The following COL24A1 variants were observed in gnomAD, a reference collection of about 807,000 sequenced individuals.
The protein encoded by COL24A1 is collagen alpha-1(XXIV) chain.
COL24A1 carries 224 observed loss-of-function variants against 253.9 expected under a neutral mutation model. The ratio of observed to expected loss-of-function variants is 0.88; its 90% CI spans 0.79 to 0.99. The LOEUF (loss-of-function observed/expected upper bound fraction) is 0.99, where lower values mean the gene tolerates loss of function less well. Among genes scored for constraint, COL24A1 ranks in the 50% least tolerant of loss-of-function variants. The pLI is 0.00. For missense variants in COL24A1, 2,131 were observed against 2,068.5 expected (o/e 1.03, Z -0.59); for synonymous variants, 685 against 673.7 (o/e 1.02, Z -0.26).
intron 24 of COL24A1, among the ~76,000 whole-genome samples, chr1:85,921,352 C>T (rs946567259): frequency 2.6e-5 from 4 of 152,312 alleles, no homozygotes; most frequent in Non-Finnish European, 4.4e-5. Context: ...AGTCTGAGAT[C>T]GACCTGTGAG....
intron 28 of COL24A1, among the ~76,000 whole-genome samples, chr1:85,906,695 TAAAG>T (rs944941923): frequency 1.3e-5 from 2 of 151,912 alleles, no homozygotes; most frequent in African/African-American, 4.8e-5. Flanking sequence ...AGATACAACT[TAAAG>T]AGATGAAGAT....
intron 24 of COL24A1, among the ~76,000 whole-genome samples, chr1:85,934,410 T>A (rs1688075853): frequency 6.6e-6 from 1 of 152,214 alleles, no homozygotes; most frequent in African/African-American, 2.4e-5. Flanking sequence ...CTCCTCCCAA[T>A]AGTTTTCTTT....
intron 43 of COL24A1, among the ~76,000 whole-genome samples, chr1:85,830,174 AC>A (rs1284618507): frequency 6.6e-6 from 1 of 151,794 alleles, no homozygotes; most frequent in South Asian, 2.1e-4. Flanking sequence ...CTGTTGGAGT[AC>A]CCGGCCGTGT....
intron 24 of COL24A1, among the ~76,000 whole-genome samples, chr1:85,960,556 A>G (rs1229469067): frequency 6.6e-6 from 1 of 152,150 alleles, no homozygotes; most frequent in African/African-American, 2.4e-5. Context: ...TCTTCAAGCT[A>G]TTAAATTATT....
intron 47 of COL24A1, among the ~76,000 whole-genome samples, chr1:85,793,486 A>C (rs1285848321): frequency 6.6e-6 from 1 of 152,040 alleles, no homozygotes; most frequent in Non-Finnish European, 1.5e-5. Flanking sequence ...GGAGGGAAGG[A>C]AAGAGAGGGG....
rs1216755775 is a variant in COL24A1 at position 85,767,125 on chromosome 1, A to G, written c.4375-5559T>C. 3.3e-5 allele frequency among the ~76,000 whole-genome samples: 5 copies of G among 151,366 alleles called. No homozygotes were observed. The South Asian group carries it at 1.0e-3, about 32-fold the overall frequency. On this transcript the variant is annotated intron_variant, in intron 53 of 59. Transcript: ENST00000370571. ...TCTCAATAATAATAATAATAATAAT[A>G]ATAATAATAAGATTGACAAACCAAT...
At chr1:86,046,038 T>C in intron 12 of COL24A1, 1 of 210,648 alleles carries the variant, frequency 4.7e-6, no homozygotes, top group Non-Finnish European at 9.8e-6. Context: ...TTTACTCACC[T>C]ATATTATGGT....
intron 47 of COL24A1, among the ~76,000 whole-genome samples, chr1:85,793,564 T>C (rs1028723764): frequency 6.6e-6 from 1 of 152,188 alleles, no homozygotes; most frequent in Non-Finnish European, 1.5e-5. Flanking sequence ...TTCTTCCAAG[T>C]TGCTTGTGCC....
At chr1:85,782,963 C>G (rs931348133) in intron 51 of COL24A1, among the ~76,000 whole-genome samples, 11 of 152,208 alleles carry the variant, frequency 7.2e-5, no homozygotes, top group Non-Finnish European at 1.5e-4. Flanking sequence ...TTTATATTCT[C>G]TACAATTTGC....
intron 37 of COL24A1, among the ~76,000 whole-genome samples, chr1:85,856,045 T>C (rs1295969098): frequency 6.6e-6 from 1 of 152,188 alleles, no homozygotes; most frequent in African/African-American, 2.4e-5. Context: ...TAACATCCCC[T>C]TTGTCATTTC....
At chr1:85,984,953 T>C (rs1253701311) in intron 20 of COL24A1, among the ~76,000 whole-genome samples, 3 of 151,868 alleles carry the variant, frequency 2.0e-5, no homozygotes, top group Non-Finnish European at 4.4e-5. Flanking sequence ...TCCAAAACAC[T>C]TTTTAAATGG....
At chr1:86,002,808 C>A (rs1464330662) in intron 19 of COL24A1, among the ~76,000 whole-genome samples, 1 of 152,120 alleles carries the variant, frequency 6.6e-6, no homozygotes, top group African/African-American at 2.4e-5. Flanking sequence ...CCCTCTAAGG[C>A]AAGAGCAAAT....
chr1:85,985,268 C>A (rs1299073432), intron 20 of COL24A1, among the ~76,000 whole-genome samples: 8 of 151,468 alleles, frequency 5.3e-5, no homozygotes, highest in African/African-American at 1.9e-4. Flanking sequence ...ACATATATAT[C>A]CAGACAAAAA....
intron 24 of COL24A1, among the ~76,000 whole-genome samples, chr1:85,950,295 A>G (rs979208078): frequency 3.3e-5 from 5 of 152,254 alleles, no homozygotes; most frequent in Non-Finnish European, 5.9e-5. Flanking sequence ...AGACTCAAAA[A>G]GCCAGTGGAT....
intron 43 of COL24A1, among the ~76,000 whole-genome samples, chr1:85,824,903 TTTATTATTATTATTATTATTA>T (rs67610324): frequency 4.1e-5 from 6 of 144,852 alleles, no homozygotes; most frequent in Non-Finnish European, 3.0e-5. Context: ...TATTTATTCT[TTTATTATTATTATTATTATTA>T]TTATTATTAT....
chr1:85,900,843 G>C (rs1684215025), intron 28 of COL24A1, among the ~76,000 whole-genome samples: 1 of 152,050 alleles, frequency 6.6e-6, no homozygotes, highest in Non-Finnish European at 1.5e-5. Context: ...ATGATGTTAG[G>C]AAAACTGTAT....
At chr1:86,052,197 C>T (rs575279640) in intron 10 of COL24A1, among the ~76,000 whole-genome samples, 45 of 152,166 alleles carry the variant, frequency 3.0e-4, no homozygotes, top group African/African-American at 1.0e-3. Context: ...TATTTTGAAT[C>T]ACAGAATGGG....
intron 53 of COL24A1, among the ~76,000 whole-genome samples, chr1:85,763,074 C>G (rs1027228320): frequency 6.6e-6 from 1 of 152,108 alleles, no homozygotes; most frequent in Non-Finnish European, 1.5e-5. Flanking sequence ...TTTTATTACT[C>G]TAGCTAATAC....
chr1:85,797,071 G>A (rs1466833341), intron 47 of COL24A1, among the ~76,000 whole-genome samples: 1 of 151,804 alleles, frequency 6.6e-6, no homozygotes, highest in Non-Finnish European at 1.5e-5. Context: ...GCCAGGCATG[G>A]TGGTGGGCGC....
Sources: gnomAD v4.1 joint callset for allele counts (sites outside exome capture counted in the v4.1 genomes callset) on GRCh38, gnomAD v4.1.1 for gene constraint, MANE v1.5 for transcripts, NCBI Gene and HGNC (gene_info 2026-07-23, HGNC 2026-07-21) for gene names.